SCAP: variants seen among roughly 807,000 people sequenced by gnomAD.
SCAP encodes SREBF chaperone.
SCAP carries 65 observed loss-of-function variants against 123.6 expected under a neutral mutation model. The observed-to-expected ratio is 0.53, with a 90% CI of 0.43 to 0.65. SCAP has a LOEUF of 0.65. Ranked by LOEUF, SCAP falls within the 30% of genes least tolerant of loss-of-function variation. SCAP has a pLI of 0.00. For missense variants in SCAP, 1,398 were observed against 1,712.5 expected, an observed-to-expected ratio of 0.82 and a Z score of 3.24; for synonymous variants, 740 against 726.3, an observed-to-expected ratio of 1.02 and a Z score of -0.30.
chr3:47,414,329 T>A lies in SCAP; in HGVS notation c.3445A>T (p.Thr1149Ser). The change falls in exon 22 of 23, where the codon ACT becomes TCT. Residue 1149 changes from threonine (T) to serine (S), a missense_variant. Transcript: ENST00000265565. Reference protein sequence around the residue: ...DGAICLWDVLTGSRVSHVFAH... With the variant: ...DGAICLWDVLSGSRVSHVFAH... Reference sequence around the variant, plus strand: ...AACACATGGCTGACCCGGCTGCCAGTCAGTACATCCCACAGGCAGATGGCC... The same window carrying A: ...AACACATGGCTGACCCGGCTGCCAGACAGTACATCCCACAGGCAGATGGCC... 1 of 1,613,138 alleles carries A rather than the reference T, an allele frequency of 6.2e-7. No homozygotes were observed. The highest frequency in any genetic ancestry group is 8.5e-7 in the Non-Finnish European group (1 of 1,180,014).
chr3:47,418,617 C>CCCCCACATTT, intron 14 of SCAP, 38 bp downstream of exon 14: 1 of 1,537,818 alleles, frequency 6.5e-7, no homozygotes, highest in South Asian at 1.2e-5. Context: ...TCCCCCTCCC[C>CCCCCACATTT]GCACTCTTTC....
Position 47,420,471 on chromosome 3 carries a change from T to G in SCAP, c.1563+83A>C. The G allele has an allele frequency of 7.7e-7, 1 of 1,303,404 alleles. No individual in the cohort carries two copies. Among genetic ancestry groups the G allele is most frequent in the South Asian group, 1.5e-5 (1 of 68,344 alleles). 80.7% of individuals were successfully genotyped at this position (1,303,404 alleles called of 1,614,324 possible). On this transcript the variant is annotated intron_variant, in intron 12 of 22. Transcript: ENST00000265565. The surrounding 1 kb of genome is among the most constrained non-coding windows in gnomAD (Gnocchi z 5.0). ...GGGCCTGAGGAATACCCTTTGCCACTCTAAGGCCAAGTGCAGCACCACAAG... is the reference window on the plus strand; with the variant it reads ...GGGCCTGAGGAATACCCTTTGCCACGCTAAGGCCAAGTGCAGCACCACAAG...
intron 3 of SCAP, among the ~76,000 whole-genome samples, chr3:47,429,177 G>C (rs766243663): frequency 6.6e-6 from 1 of 152,172 alleles, no homozygotes; most frequent in African/African-American, 2.4e-5. Context: ...GCTGGACTCC[G>C]GTCTCCTAGG....
At chr3:47,437,749 A>C (rs966489774) in intron 2 of SCAP, among the ~76,000 whole-genome samples, 10 of 152,156 alleles carry the variant, frequency 6.6e-5, no homozygotes, top group Non-Finnish European at 1.5e-4. Flanking sequence ...TCTCAAAAAA[A>C]CAAAACATTT....
chr3:47,428,444 C>T, intron 4 of SCAP, 69 bp downstream of exon 4: 3 of 1,495,374 alleles, frequency 2.0e-6, no homozygotes, highest in Non-Finnish European at 2.8e-6. Flanking sequence ...TGCAGTTACA[C>T]TGAGGACTGT....
intron 2 of SCAP, among the ~76,000 whole-genome samples, chr3:47,438,369 A>G (rs906608451): frequency 2.0e-5 from 3 of 152,230 alleles, no homozygotes; most frequent in Non-Finnish European, 2.9e-5. Context: ...TGAGAATACA[A>G]AAGATAATAC....
At chr3:47,471,097 G>A (rs996908193) in intron 1 of SCAP, among the ~76,000 whole-genome samples, 1 of 152,080 alleles carries the variant, frequency 6.6e-6, no homozygotes, top group African/African-American at 2.4e-5. Flanking sequence ...GTATATTTGA[G>A]TTTTACTATA....
intron 1 of SCAP, among the ~76,000 whole-genome samples, chr3:47,464,822 T>C (rs1041769310): frequency 1.1e-4 from 17 of 152,172 alleles, no homozygotes; most frequent in Non-Finnish European, 2.9e-5. Flanking sequence ...GGACAGGAAG[T>C]AGTAAAATTA....
At chr3:47,422,640 C>T (rs975678573) in intron 9 of SCAP, 104 bp from the exon 10 acceptor site, 5 of 915,972 alleles carry the variant, frequency 5.5e-6, no homozygotes, top group Non-Finnish European at 8.3e-6. Flanking sequence ...GCAAGGCCCC[C>T]CAGCCCTTTG....
intron 1 of SCAP, among the ~76,000 whole-genome samples, chr3:47,453,798 T>C (rs748073348): frequency 6.6e-6 from 1 of 152,086 alleles, no homozygotes; most frequent in Non-Finnish European, 1.5e-5. Context: ...ATTCCCACTT[T>C]CCACACCTTT....
At chr3:47,467,696 A>T (rs1170158343) in intron 1 of SCAP, among the ~76,000 whole-genome samples, 1 of 152,216 alleles carries the variant, frequency 6.6e-6, no homozygotes, top group Non-Finnish European at 1.5e-5. Flanking sequence ...CAACATCAAT[A>T]TTCCTTAGAA....
chr3:47,476,587 C>T (rs1213794456), upstream of SCAP, among the ~76,000 whole-genome samples: 3 of 152,212 alleles, frequency 2.0e-5, no homozygotes, highest in Non-Finnish European at 2.9e-5. Flanking sequence ...TAACCATTTT[C>T]CACAGGGAAC....
At position 47,450,060 on chromosome 3, in the gene SCAP, T is replaced by C. The variant is rs1442757220; in HGVS notation, c.-98-6969A>G. Among the ~76,000 whole-genome samples, 5 of 123,674 alleles carry C rather than the reference T, an allele frequency of 4.0e-5. 1 individual carries two copies. The highest frequency in any genetic ancestry group is 1.4e-4 in the African/African-American group (5 of 36,310). 81.1% of individuals were successfully genotyped at this position (123,674 alleles called of 152,430 possible). A position where few individuals can be genotyped will look rare whatever the true frequency, so the allele number is the denominator to read the frequency against. On this transcript the variant is annotated intron_variant, in intron 1 of 22. Coordinates refer to ENST00000265565, the MANE Select transcript of SCAP (RefSeq NM_012235.4). The stretch of plus-strand genomic sequence containing the variant: ...TCACCCAGGCTGGAGTGCAGTGGCG[T>C]GATCTCGGCTCACCGCAACCTCCGC...
intron 1 of SCAP, among the ~76,000 whole-genome samples, chr3:47,461,000 G>T (rs773046872): frequency 6.6e-6 from 1 of 152,136 alleles, no homozygotes; most frequent in Non-Finnish European, 1.5e-5. Flanking sequence ...GGGTCCAGGA[G>T]CCCCTAGAGC....
In SCAP at chr3:47,417,534, A is replaced by G. The variant is rs923983895; in HGVS notation, c.2740T>C (p.Cys914Arg). 19 of 1,567,460 alleles carry G rather than the reference A, an allele frequency of 1.2e-5. No individual in the cohort carries two copies. The highest frequency in any genetic ancestry group is 1.6e-5 in the Non-Finnish European group (19 of 1,156,810). ...TCCTGGTACACCCGCTGCACCAGGC[A>G]GCTGAAGTCATAGCCTGGGGAGTCC... is the stretch of plus-strand genomic sequence containing the variant. Reference protein sequence around the residue: ...SRDSPGYDFSCLVQRVYQEEG... With the variant: ...SRDSPGYDFSRLVQRVYQEEG... The change falls in exon 17 of 23, where the codon TGC becomes CGC. Residue 914 changes from cysteine (C) to arginine (R), a missense_variant. Physicochemically the swap from Cys to Arg is radical, Grantham distance 180 (BLOSUM62 -3). Around this residue, in one of 7 missense-constraint regions of SCAP, gnomAD observed 828 missense variants for 882.5 expected, o/e 0.94. Coordinates refer to ENST00000265565, the MANE Select transcript of SCAP (RefSeq NM_012235.4).
chr3:47,472,295 G>A lies in SCAP; in HGVS notation c.-99+3504C>T, dbSNP rs1448589225. 4.0e-5 allele frequency among the ~76,000 whole-genome samples: 6 copies of A among 150,922 alleles called. No homozygotes were observed. The East Asian group carries it at 9.7e-4, about 24-fold the overall frequency. On this transcript the variant is annotated intron_variant, in intron 1 of 22. Transcript: ENST00000265565. ...AAAAATACAAAAAAATTAGCCGGGC[G>A]CGGTGGCGGGCGCCTGTAGTCCCAG...
Position 47,416,839 on chromosome 3 carries a change from G to A in SCAP, c.3056+283C>T, listed in dbSNP as rs1351643298. Among the ~76,000 whole-genome samples, 3 of 151,722 alleles carry A rather than the reference G, an allele frequency of 2.0e-5. No individual in the cohort carries two copies. The East Asian group carries it at 5.8e-4, about 29-fold the overall frequency. On this transcript the variant is annotated intron_variant, in intron 18 of 22. Transcript: ENST00000265565. Reference sequence around the variant, plus strand: ...GACGGGGTTTCACCGTTTTAGCCGGGATGGTCTCGATCTCCTGACCTCGTG... The same window carrying A: ...GACGGGGTTTCACCGTTTTAGCCGGAATGGTCTCGATCTCCTGACCTCGTG...
At chr3:47,474,194 G>C (rs1708178082) in intron 1 of SCAP, among the ~76,000 whole-genome samples, 1 of 151,922 alleles carries the variant, frequency 6.6e-6, no homozygotes, top group South Asian at 2.1e-4. Flanking sequence ...GAACCCGGCA[G>C]GCGGAGGGTG....
rs765009239 is a variant in SCAP at position 47,417,444 on chromosome 3, G to C, written c.2830C>G (p.Gln944Glu). ...GAGCCACCCTCGTCCTCAGGGGCCT[G>C]GGACAGCACCGGCCCAGGCGAGGGT... ...RPPSPGPVLS[Q>E]APEDEGGSPE... The change falls in exon 17 of 23, where the codon CAG becomes GAG. Residue 944 changes from glutamine (Q) to glutamate (E), a missense_variant. Coordinates refer to ENST00000265565, the MANE Select transcript of SCAP (RefSeq NM_012235.4). The C allele has an allele frequency of 6.4e-6, 10 of 1,554,778 alleles. No homozygotes were observed. In the African/African-American group the frequency reaches 1.1e-4, roughly 17 times the overall value.
Sources: allele counts gnomAD v4.1 joint callset (sites outside exome capture counted in the v4.1 genomes callset), GRCh38; gene constraint gnomAD v4.1.1; regional missense constraint gnomAD v4.1.1; non-coding constraint Gnocchi (gnomAD v3.1); transcripts MANE v1.5; gene names NCBI Gene and HGNC (gene_info 2026-07-23, HGNC 2026-07-21).